The following TRIOBP variants were observed in gnomAD, a reference collection of about 807,000 sequenced individuals.
The protein encoded by TRIOBP is TRIO and F-actin binding protein.
A neutral mutation model predicts 238.8 loss-of-function variants in TRIOBP; 169 were observed. The ratio of observed to expected loss-of-function variants is 0.71; its 90% CI spans 0.62 to 0.80. TRIOBP has a LOEUF of 0.80. TRIOBP is among the 30% of genes least tolerant of loss of function. The pLI is 0.00. For missense variants in TRIOBP, 2,838 were observed against 3,122.6 expected, an observed-to-expected ratio of 0.91 and a Z score of 2.17; for synonymous variants, 1,150 against 1,274.4, an observed-to-expected ratio of 0.90 and a Z score of 2.08.
chr22:37,723,557 C>A lies in TRIOBP; in HGVS notation c.1001C>A (p.Ser334Tyr), dbSNP rs915187940. ...CAAGAGGACACCCCCAGGGCCTCAT[C>A]TACACAGTGGAACACCCCCAGAGCT... is the stretch of plus-strand genomic sequence containing the variant. ...STQEDTPRASSTQWNTPRASS... is the reference protein window; with the variant it reads ...STQEDTPRASYTQWNTPRASS... Residue 334 changes from serine (S) to tyrosine (Y), a missense_variant, in exon 7 of 24, where the codon TCT becomes TAT. Ser to Tyr is a moderately radical substitution (Grantham distance 144). This residue lies in a region of TRIOBP where 535 missense variants were observed against 537.3 expected (regional missense o/e 1.00). Coordinates refer to ENST00000644935, the MANE Select transcript of TRIOBP (RefSeq NM_001039141.3). 4.3e-6 allele frequency: 7 copies of A among 1,614,090 alleles called. No homozygotes were observed. The highest frequency in any genetic ancestry group is 5.9e-6 in the Non-Finnish European group (7 of 1,179,992).
rs552556054 is a variant in TRIOBP at position 37,710,724 on chromosome 22, C to T, written c.254+158C>T. On this transcript the variant is annotated intron_variant, in intron 4 of 23. Transcript: ENST00000644935. The stretch of plus-strand genomic sequence containing the variant: ...AACCTAGGCACAGGTGGGTGGTGGG[C>T]ATGCTCCTTGGGCCCACAGGAAGAA... 7.8e-5 allele frequency among the ~76,000 whole-genome samples: 9 copies of T among 114,960 alleles called. No homozygotes were observed. The East Asian group carries it at 2.0e-3, about 25-fold the overall frequency. The allele number at this position is 114,960 out of a possible 152,430, so 75.4% of individuals were successfully genotyped here. A position where few individuals can be genotyped will look rare whatever the true frequency, so the allele number is the denominator to read the frequency against.
rs58873772 is a variant in TRIOBP at position 37,742,260 on chromosome 22, T to G, written c.5322+1228T>G. 8.2e-3 allele frequency among the ~76,000 whole-genome samples: 924 copies of G among 113,274 alleles called. 16 individuals are homozygous for G. The highest frequency in any genetic ancestry group is 0.054 in the African/African-American group (847 of 15,812). The allele number at this position is 113,274 out of a possible 152,430, so 74.3% of individuals were successfully genotyped here. ...GGTGTGAGCCACCACGCCAGGCGTTTTTTTTTTTTTTTTTTTAAATTAAGA... is the reference window on the plus strand; with the variant it reads ...GGTGTGAGCCACCACGCCAGGCGTTGTTTTTTTTTTTTTTTTAAATTAAGA... On this transcript the variant is annotated intron_variant, in intron 11 of 23. Coordinates refer to ENST00000644935, the MANE Select transcript of TRIOBP (RefSeq NM_001039141.3).
rs1449640734 is a variant in TRIOBP at position 37,773,919 on chromosome 22, C to CACACACAA, written c.*146_*147insAACACACA. On this transcript the variant is annotated 3_prime_UTR_variant, in exon 24 of 24. Transcript: ENST00000644935. ...CTTGCACCCACCACACACACACACA[C>CACACACAA]ACACACACACACACACACAGACACA... is the stretch of plus-strand genomic sequence containing the variant. The CACACACAA allele has an allele frequency of 5.1e-5, 7 of 137,324 alleles. No individual in the cohort carries two copies. The highest frequency in any genetic ancestry group is 2.1e-4 in the African/African-American group (6 of 28,896). 8.5% of individuals were successfully genotyped at this position (137,324 alleles called of 1,614,324 possible).
Position 37,725,940 on chromosome 22 carries a change from G to A in TRIOBP, c.3384G>A (p.Gln1128=), listed in dbSNP as rs1224858531. ...DAPRASSPPR[Q]APEPSLLFQD... ...CCCGGGCCTCCTCCCCACCACGCCA[G>A]GCCCCAGAGCCTTCCCTCTTATTCC... Residue 1128 remains glutamine, a synonymous_variant, in exon 7 of 24, where the codon CAG becomes CAA. Coordinates refer to ENST00000644935, the MANE Select transcript of TRIOBP (RefSeq NM_001039141.3). 1.3e-6 allele frequency: 2 copies of A among 1,596,774 alleles called. No individual in the cohort carries two copies. The highest frequency in any genetic ancestry group is 1.7e-4 in the Middle Eastern group (1 of 5,928).
intron 21 of TRIOBP, 82 bp downstream of exon 21, chr22:37,769,457 TCA>T: frequency 7.4e-7 from 1 of 1,354,818 alleles, no homozygotes; most frequent in Non-Finnish European, 1.0e-6. Flanking sequence ...AGGCTGGGTA[TCA>T]CCTGTGGCAG....
At chr22:37,746,661 G>A (rs996746019) in intron 11 of TRIOBP, among the ~76,000 whole-genome samples, 7 of 152,230 alleles carry the variant, frequency 4.6e-5, no homozygotes, top group Non-Finnish European at 8.8e-5. Flanking sequence ...CGACCCTGAG[G>A]GGACGGAACG....
rs1924129433 is a variant in TRIOBP at position 37,725,945 on chromosome 22, C to T, written c.3389C>T (p.Pro1130Leu). Residue 1130 changes from proline (P) to leucine (L), a missense_variant, in exon 7 of 24, where the codon CCA becomes CTA. Pro to Leu is a moderately conservative substitution (Grantham distance 98). This residue lies in a region of TRIOBP where 2,096 missense variants were observed against 2,137.4 expected (regional missense o/e 0.98). Transcript: ENST00000644935. ...GCCTCCTCCCCACCACGCCAGGCCC[C>T]AGAGCCTTCCCTCTTATTCCAGGAC... ...PRASSPPRQA[P>L]EPSLLFQDLP... 2.5e-6 allele frequency: 4 copies of T among 1,613,682 alleles called. No homozygotes were observed. Among genetic ancestry groups the T allele is most frequent in the African/African-American group, 2.7e-5 (2 of 74,840 alleles).
At chr22:37,700,738 C>A (rs912077717) in intron 2 of TRIOBP, among the ~76,000 whole-genome samples, 2 of 152,154 alleles carry the variant, frequency 1.3e-5, no homozygotes, top group Non-Finnish European at 2.9e-5. Flanking sequence ...GTCGCCCAGG[C>A]TGGAGTGCAA....
chr22:37,717,592 C>T (rs1341729990), intron 6 of TRIOBP, among the ~76,000 whole-genome samples: 3 of 152,204 alleles, frequency 2.0e-5, no homozygotes, highest in Non-Finnish European at 2.9e-5. Context: ...AAGTCCCCAA[C>T]AGAGTAGCTA....
chr22:37,726,774 C>T (rs1314541496), intron 7 of TRIOBP, among the ~76,000 whole-genome samples: 2 of 152,170 alleles, frequency 1.3e-5, no homozygotes, highest in Non-Finnish European at 2.9e-5. Context: ...AATCCTGGGT[C>T]AAAGCCACAT....
At chr22:37,712,872 G>C (rs1011709547) in intron 4 of TRIOBP, among the ~76,000 whole-genome samples, 2 of 151,742 alleles carry the variant, frequency 1.3e-5, no homozygotes, top group African/African-American at 4.8e-5. Context: ...CAGGAGAATG[G>C]CATGAACCTG....
rs1601656870 is a variant in TRIOBP, at chr22:37,755,256, T to C, written c.5577+66T>C. ...TGGCTGGAGGTCCCTGGGGGAGGTT[T>C]TGGTGTTGAACATGGCTCACCATGG... On this transcript the variant is annotated intron_variant, in intron 14 of 23. Transcript: ENST00000644935. 5.3e-6 allele frequency: 8 copies of C among 1,518,926 alleles called. No homozygotes were observed. The East Asian group carries it at 1.9e-4, about 37-fold the overall frequency. 94.1% of individuals were successfully genotyped at this position (1,518,926 alleles called of 1,614,324 possible). A position where few individuals can be genotyped will look rare whatever the true frequency, so the allele number is the denominator to read the frequency against.
At chr22:37,756,108 A>G (rs539300183) in intron 15 of TRIOBP, among the ~76,000 whole-genome samples, 1 of 152,316 alleles carries the variant, frequency 6.6e-6, no homozygotes, top group South Asian at 2.1e-4. Flanking sequence ...GTTTATACCC[A>G]GATGCCCATG....
chr22:37,761,123 G>A (rs892451775), intron 17 of TRIOBP, among the ~76,000 whole-genome samples: 5 of 152,200 alleles, frequency 3.3e-5, no homozygotes, highest in East Asian at 1.9e-4. Context: ...TGGTTGGTGC[G>A]TATTGTGGAT....
chr22:37,757,439 C>G (rs1222057302), intron 15 of TRIOBP, among the ~76,000 whole-genome samples, 174 bp from the exon 16 acceptor site: 1 of 152,110 alleles, frequency 6.6e-6, no homozygotes, highest in Non-Finnish European at 1.5e-5. Flanking sequence ...AGAGGTGGAG[C>G]TGGGATGTTC....
intron 6 of TRIOBP, among the ~76,000 whole-genome samples, chr22:37,717,391 C>T (rs1217919517): frequency 2.0e-5 from 3 of 152,240 alleles, no homozygotes; most frequent in South Asian, 2.1e-4. Flanking sequence ...CCAGAGCTGG[C>T]TGGGGCAGCC....
At chr22:37,746,060 T>TCCCGCCGCCCCGCCGC (rs1290333308) in intron 11 of TRIOBP, among the ~76,000 whole-genome samples, 1 of 128,798 alleles carries the variant, frequency 7.8e-6, no homozygotes. Flanking sequence ...CGTCCCGCCG[T>TCCCGCCGCCCCGCCGC]CCCGCCGCCC....
chr22:37,761,764 G>A (rs989624448), intron 17 of TRIOBP, among the ~76,000 whole-genome samples: 2 of 151,976 alleles, frequency 1.3e-5, no homozygotes, highest in Admixed American at 6.5e-5. Flanking sequence ...TCCACTGATA[G>A]AGGAGCAGGC....
chr22:37,759,058 T>C (rs1926099967), intron 16 of TRIOBP, 96 bp from the exon 17 acceptor site: 2 of 1,014,374 alleles, frequency 2.0e-6, no homozygotes, highest in Admixed American at 4.0e-5. Flanking sequence ...GCTGGGCTTG[T>C]ATCCGTGTGG....
Sources: gnomAD v4.1 joint callset for allele counts (sites outside exome capture counted in the v4.1 genomes callset) on GRCh38, gnomAD v4.1.1 for gene constraint, gnomAD v4.1.1 regional missense constraint, MANE v1.5 for transcripts, NCBI Gene and HGNC (gene_info 2026-07-23, HGNC 2026-07-21) for gene names.